The following CFAP161 variants were observed in gnomAD, a reference collection of about 807,000 sequenced individuals.
CFAP161 encodes the protein cilia- and flagella-associated protein 161.
CFAP161 carries 25 observed loss-of-function variants against 29.0 expected under a neutral mutation model. That is an observed-to-expected ratio of 0.86 (90% CI 0.63 to 1.20). The LOEUF (loss-of-function observed/expected upper bound fraction) is 1.20, where lower values mean the gene tolerates loss of function less well. CFAP161 is among the 50% of genes most tolerant of loss of function. CFAP161 has a pLI of 0.00. For missense variants in CFAP161, 367 were observed against 371.9 expected (o/e 0.99, Z 0.11); for synonymous variants, 116 against 137.4 (o/e 0.84, Z 1.09).
intron 4 of CFAP161, 54 bp downstream of exon 4, chr15:81,138,189 A>G (rs1485309332): frequency 2.1e-6 from 3 of 1,402,268 alleles, no homozygotes; most frequent in African/African-American, 2.8e-5. Flanking sequence ...GTTGCCCAAA[A>G]TGGGATCATA....
intron 4 of CFAP161, among the ~76,000 whole-genome samples, chr15:81,143,102 C>A (rs1435918471): frequency 6.6e-6 from 1 of 152,026 alleles, no homozygotes; most frequent in Non-Finnish European, 1.5e-5. Flanking sequence ...TGCTTGAGAC[C>A]AGGAGTTCAA....
rs1451177185 is a variant in CFAP161 at position 81,148,671 on chromosome 15, A to T, written c.*138A>T. The T allele has an allele frequency of 2.8e-6, 2 of 719,522 alleles. No homozygotes were observed. The highest frequency in any genetic ancestry group is 3.3e-5 in the Admixed American group (1 of 30,032). 44.6% of individuals were successfully genotyped at this position (719,522 alleles called of 1,614,324 possible). The stretch of plus-strand genomic sequence containing the variant: ...CTCTGGGCACTATATTAAAATAAAG[A>T]TTACATTAAGATTATTGAATTTGTG... On this transcript the variant is annotated 3_prime_UTR_variant, in exon 7 of 7. Coordinates refer to ENST00000286732, the MANE Select transcript of CFAP161 (RefSeq NM_173528.4).
intron 1 of CFAP161, among the ~76,000 whole-genome samples, chr15:81,120,789 G>A (rs1461679451): frequency 6.6e-6 from 1 of 152,116 alleles, no homozygotes; most frequent in South Asian, 2.1e-4. Flanking sequence ...GTTTCAAAAA[G>A]GAAAATTTTA....
rs563596352 is a variant in CFAP161, at chr15:81,136,632, G to A, written c.276G>A (p.Leu92=). Residue 92 remains leucine (L), a synonymous_variant, in exon 3 of 7, where the codon CTG becomes CTA. Coordinates refer to ENST00000286732, the MANE Select transcript of CFAP161 (RefSeq NM_173528.4). ...ADVFLRGDLS[L]CMTPDEIQSH... is the part of the protein sequence containing the mutation. ...TGTTTCTGCGTGGGGACCTGAGCCT[G>A]TGTATGACTCCAGATGAAATTCAGT... is the stretch of plus-strand genomic sequence containing the variant. The A allele has an allele frequency of 1.2e-6, 2 of 1,614,194 alleles. No individual in the cohort carries two copies. Among genetic ancestry groups the A allele is most frequent in the African/African-American group, 2.7e-5 (2 of 75,050 alleles).
intron 1 of CFAP161, among the ~76,000 whole-genome samples, chr15:81,103,590 C>T (rs950973922): frequency 3.9e-5 from 6 of 152,172 alleles, no homozygotes; most frequent in African/African-American, 7.2e-5. Context: ...GGCATGGAAG[C>T]GCCGCGTCCC....
At chr15:81,127,377 A>G (rs1382189148) in intron 1 of CFAP161, among the ~76,000 whole-genome samples, 1 of 152,226 alleles carries the variant, frequency 6.6e-6, no homozygotes, top group Non-Finnish European at 1.5e-5. Context: ...AGGTGTGCAG[A>G]TCACACAAAA....
chr15:81,131,048 A>T (rs1331642778), upstream of CFAP161, among the ~76,000 whole-genome samples: 1 of 152,004 alleles, frequency 6.6e-6, no homozygotes, highest in East Asian at 1.9e-4. Context: ...CCAAAATGTG[A>T]CACAGAGACG....
chr15:81,108,905 G>A (rs548852382), intron 1 of CFAP161, among the ~76,000 whole-genome samples: 7 of 152,246 alleles, frequency 4.6e-5, no homozygotes, highest in African/African-American at 1.4e-4. Flanking sequence ...AGAAAAAAGG[G>A]TTTCCTTTAA....
chr15:81,115,424 T>C (rs988713317), intron 1 of CFAP161, among the ~76,000 whole-genome samples: 2 of 152,154 alleles, frequency 1.3e-5, no homozygotes, highest in African/African-American at 4.8e-5. Context: ...TAGTAGTCAG[T>C]GTCAAAACCC....
chr15:81,100,151 A>C (rs1382185313), intron 1 of CFAP161, among the ~76,000 whole-genome samples: 2 of 151,306 alleles, frequency 1.3e-5, no homozygotes, highest in Non-Finnish European at 3.0e-5. Flanking sequence ...ATAGTCTGGG[A>C]CTTTTGACAA....
intron 1 of CFAP161, among the ~76,000 whole-genome samples, chr15:81,101,627 A>G (rs1321720882): frequency 6.6e-6 from 1 of 150,650 alleles, no homozygotes. Flanking sequence ...AGTAGGGAGC[A>G]TGCAGGAGGC....
upstream of CFAP161, among the ~76,000 whole-genome samples, chr15:81,134,088 C>A (rs1349188062): frequency 6.6e-6 from 1 of 152,202 alleles, no homozygotes; most frequent in Admixed American, 6.5e-5. Flanking sequence ...CAGGGTTTTC[C>A]CTCTCGCCCA....
At chr15:81,133,206 TA>T (rs1307124693), upstream of CFAP161, among the ~76,000 whole-genome samples, 5,505 of 68,708 alleles carry the variant, frequency 0.08, 478 homozygotes, top group Admixed American at 0.1. Context: ...TATATATATA[TA>T]TATATATATA....
intron 1 of CFAP161, among the ~76,000 whole-genome samples, chr15:81,102,838 T>C (rs753728200): frequency 6.6e-6 from 1 of 152,234 alleles, no homozygotes; most frequent in Non-Finnish European, 1.5e-5. Flanking sequence ...AGAAATGTAG[T>C]TGATGTTGGA....
intron 1 of CFAP161, among the ~76,000 whole-genome samples, chr15:81,115,209 A>AT (rs1894482661): frequency 6.6e-6 from 1 of 152,096 alleles, no homozygotes; most frequent in African/African-American, 2.4e-5. Context: ...TTGTCAGGGA[A>AT]TTTTTTCTTT....
At chr15:81,144,400 G>C (rs983798686) in intron 5 of CFAP161, among the ~76,000 whole-genome samples, 4 of 152,170 alleles carry the variant, frequency 2.6e-5, no homozygotes, top group Admixed American at 6.5e-5. Context: ...TTCAAGACCA[G>C]CCTGGGCAAC....
intron 1 of CFAP161, among the ~76,000 whole-genome samples, chr15:81,100,509 T>C (rs897268494): frequency 6.6e-6 from 1 of 152,144 alleles, no homozygotes; most frequent in Non-Finnish European, 1.5e-5. Context: ...GAATTTTATG[T>C]AGCTGCTGGA....
chr15:81,147,640 G>A (rs186204691), intron 5 of CFAP161, among the ~76,000 whole-genome samples: 2 of 152,210 alleles, frequency 1.3e-5, no homozygotes, highest in East Asian at 3.9e-4. Context: ...CACAGAAAAG[G>A]TACAGTCAAA....
chr15:81,133,862 T>C (rs998842920), upstream of CFAP161, among the ~76,000 whole-genome samples: 2 of 151,630 alleles, frequency 1.3e-5, no homozygotes, highest in Admixed American at 1.3e-4. Flanking sequence ...ATGTGTACAT[T>C]GAGCAGGTAT....
Sources: allele counts gnomAD v4.1 joint callset (sites outside exome capture counted in the v4.1 genomes callset), GRCh38; gene constraint gnomAD v4.1.1; transcripts MANE v1.5; gene names NCBI Gene and HGNC (gene_info 2026-07-23, HGNC 2026-07-21).